Variants in MYH11 observed in about 807,000 individuals in gnomAD.
MYH11 encodes the protein myosin-11.
MYH11 carries 80 observed loss-of-function variants against 246.6 expected under a neutral mutation model. The ratio of observed to expected loss-of-function variants is 0.32; its 90% CI spans 0.27 to 0.39. MYH11 has a LOEUF of 0.39. MYH11 is among the 10% of genes least tolerant of loss of function. The pLI, the probability that MYH11 is intolerant of heterozygous loss-of-function variation, is 1.00. For missense variants in MYH11, 2,158 were observed against 2,546.8 expected (o/e 0.85, Z 3.29); for synonymous variants, 1,071 against 1,015.5 (o/e 1.05, Z -1.04).
chr16:15,723,817 G>T (rs1321649717), intron 31 of MYH11, among the ~76,000 whole-genome samples: 1 of 152,142 alleles, frequency 6.6e-6, no homozygotes, highest in African/African-American at 2.4e-5. Context: ...GAATTACTTG[G>T]AATACTACTC....
At chr16:15,725,262 T>C (rs1567701771) in intron 28 of MYH11, 1 of 588,542 alleles carries the variant, frequency 1.7e-6, no homozygotes, top group Non-Finnish European at 3.0e-6. Context: ...TGAGCCCCAA[T>C]GGTATTGACT....
intron 2 of MYH11, among the ~76,000 whole-genome samples, chr16:15,831,695 T>C (rs1400885897): frequency 6.6e-6 from 1 of 151,992 alleles, no homozygotes; most frequent in Non-Finnish European, 1.5e-5. Context: ...TCCCAGCACG[T>C]TGGGAGGCGG....
At chr16:15,810,923 G>A (rs1405545384) in intron 3 of MYH11, among the ~76,000 whole-genome samples, 2 of 152,164 alleles carry the variant, frequency 1.3e-5, no homozygotes, top group African/African-American at 4.8e-5. Context: ...TGAATCGGCA[G>A]GACAGGATAT....
At chr16:15,847,061 T>C (rs1164500642) in intron 1 of MYH11, among the ~76,000 whole-genome samples, 2 of 152,120 alleles carry the variant, frequency 1.3e-5, no homozygotes, top group African/African-American at 4.8e-5. Flanking sequence ...CTCTTATCTT[T>C]AATTGTGGTA....
intron 1 of MYH11, among the ~76,000 whole-genome samples, chr16:15,839,681 G>A (rs1164323068): frequency 9.3e-5 from 14 of 150,990 alleles, no homozygotes; most frequent in Non-Finnish European, 1.2e-4. Flanking sequence ...GCGACAGAGC[G>A]AGACTCTGTC....
chr16:15,824,241 G>C (rs1197039313), intron 2 of MYH11, among the ~76,000 whole-genome samples: 1 of 151,910 alleles, frequency 6.6e-6, no homozygotes, highest in Admixed American at 6.6e-5. Flanking sequence ...GACGGGAGCA[G>C]TTAAGTCTGA....
intron 14 of MYH11, among the ~76,000 whole-genome samples, chr16:15,755,161 A>G (rs2041677464): frequency 6.6e-6 from 1 of 152,222 alleles, no homozygotes; most frequent in Non-Finnish European, 1.5e-5. Flanking sequence ...GTTTGTGCCC[A>G]TGATGCAGTG....
intron 3 of MYH11, among the ~76,000 whole-genome samples, chr16:15,804,484 T>C (rs975784471): frequency 7.9e-5 from 12 of 152,140 alleles, no homozygotes; most frequent in Admixed American, 5.9e-4. Context: ...ATCGCGCCAC[T>C]GCACTCCAGC....
intron 2 of MYH11, among the ~76,000 whole-genome samples, chr16:15,833,278 C>T (rs1242921729): frequency 6.7e-6 from 1 of 148,676 alleles, no homozygotes; most frequent in Non-Finnish European, 1.5e-5. Context: ...GCCTGGGCAA[C>T]AGAGTAAGAC....
At chr16:15,797,762 G>A (rs369250830) in intron 4 of MYH11, among the ~76,000 whole-genome samples, 1 of 152,048 alleles carries the variant, frequency 6.6e-6, no homozygotes, top group African/African-American at 2.4e-5. Flanking sequence ...CAATGCACAC[G>A]TTCCCAGCTC....
At chr16:15,790,406 G>A (rs1391101049) in intron 4 of MYH11, among the ~76,000 whole-genome samples, 1 of 152,034 alleles carries the variant, frequency 6.6e-6, no homozygotes, top group Non-Finnish European at 1.5e-5. Context: ...GCCTGGGATG[G>A]GGAGTGGGAC....
chr16:15,770,513 C>A (rs186944762), intron 9 of MYH11, among the ~76,000 whole-genome samples: 1 of 152,286 alleles, frequency 6.6e-6, no homozygotes, highest in Non-Finnish European at 1.5e-5. Context: ...CAGTGTGTTT[C>A]TTGGCCATTG....
chr16:15,823,397 G>A lies in MYH11; in HGVS notation c.360C>T (p.Leu120=). The A allele has an allele frequency of 3.1e-6, 5 of 1,614,178 alleles. No homozygotes were observed. The highest frequency in any genetic ancestry group is 3.4e-6 in the Non-Finnish European group (4 of 1,180,044). The change falls in exon 3 of 41, where the codon CTC becomes CTT. Residue 120 remains leucine, a synonymous_variant. Transcript: ENST00000300036. The part of the protein sequence containing the change: ...FSGLIYTYSG[L]FCVVVNPYKH... Reference sequence around the variant, plus strand: ...TATAGGGGTTGACCACCACGCAGAAGAGGCCAGAGTACGTCTGCAGACAGA... The same window carrying A: ...TATAGGGGTTGACCACCACGCAGAAAAGGCCAGAGTACGTCTGCAGACAGA...
At chr16:15,816,036 C>T (rs2043254599) in intron 3 of MYH11, among the ~76,000 whole-genome samples, 1 of 152,166 alleles carries the variant, frequency 6.6e-6, no homozygotes, top group South Asian at 2.1e-4. Flanking sequence ...GTTAGAGAAG[C>T]ATCAAGCCTC....
intron 33 of MYH11, among the ~76,000 whole-genome samples, chr16:15,720,576 T>C (rs1489123075): frequency 6.6e-6 from 1 of 150,928 alleles, no homozygotes; most frequent in Non-Finnish European, 1.5e-5. Flanking sequence ...TGGTGAAACC[T>C]TGTCTCCACT....
At chr16:15,803,433 C>A (rs1485520526) in intron 3 of MYH11, among the ~76,000 whole-genome samples, 2 of 152,040 alleles carry the variant, frequency 1.3e-5, no homozygotes, top group East Asian at 3.9e-4. Flanking sequence ...CGTGCCACCA[C>A]GCCTGGCTAA....
intron 4 of MYH11, among the ~76,000 whole-genome samples, chr16:15,787,626 A>G (rs1457336146): frequency 6.6e-6 from 1 of 151,410 alleles, no homozygotes; most frequent in Non-Finnish European, 1.5e-5. Flanking sequence ...GGCACCCACC[A>G]GCACACTCGG....
At chr16:15,856,708 A>C (rs2044481236) in intron 1 of MYH11, among the ~76,000 whole-genome samples, 2 of 152,034 alleles carry the variant, frequency 1.3e-5, no homozygotes, top group African/African-American at 4.8e-5. Flanking sequence ...AAGCACCCCC[A>C]AAATGGTACT....
chr16:15,783,358 T>A (rs543601009), intron 5 of MYH11: 2 of 152,366 alleles, frequency 1.3e-5, no homozygotes, highest in African/African-American at 4.8e-5. Context: ...AGGGCTGGGC[T>A]GGACAGGAGC....
Sources: gnomAD v4.1 joint callset for allele counts (sites outside exome capture counted in the v4.1 genomes callset) on GRCh38, gnomAD v4.1.1 for gene constraint, MANE v1.5 for transcripts, NCBI Gene and HGNC (gene_info 2026-07-23, HGNC 2026-07-21) for gene names.